The following MYO1E variants were observed in gnomAD, a reference collection of about 807,000 sequenced individuals.
The protein encoded by MYO1E is myosin IE.
Under a neutral mutation model 151.1 loss-of-function variants are expected in MYO1E, and 68 were observed. The ratio of observed to expected loss-of-function variants is 0.45; its 90% CI spans 0.37 to 0.55. The LOEUF is 0.55. MYO1E is among the 20% of genes least tolerant of loss of function. The pLI is 0.00. For synonymous variants in MYO1E, 601 were observed against 501.7 expected (o/e 1.20, Z -2.64); for missense variants, 1,363 against 1,389.3 (o/e 0.98, Z 0.30).
At chr15:59,244,175 T>C (rs183185661) in intron 4 of MYO1E, among the ~76,000 whole-genome samples, 2 of 152,220 alleles carry the variant, frequency 1.3e-5, no homozygotes. Flanking sequence ...CAGACAAATA[T>C]CTAGTTAATT....
intron 1 of MYO1E, among the ~76,000 whole-genome samples, chr15:59,326,786 T>C (rs1017241663): frequency 1.3e-5 from 2 of 152,216 alleles, no homozygotes; most frequent in Non-Finnish European, 2.9e-5. Context: ...TATTCCTACA[T>C]AAATTCTTCC....
At chr15:59,324,549 G>A (rs553182126) in intron 1 of MYO1E, among the ~76,000 whole-genome samples, 1 of 152,144 alleles carries the variant, frequency 6.6e-6, no homozygotes, top group African/African-American at 2.4e-5. Flanking sequence ...TAGAGAAGAA[G>A]CACACCTCAG....
At chr15:59,153,253 G>C (rs1346838654) in intron 26 of MYO1E, among the ~76,000 whole-genome samples, 1 of 152,200 alleles carries the variant, frequency 6.6e-6, no homozygotes, top group Non-Finnish European at 1.5e-5. Flanking sequence ...TGCAGGCACA[G>C]ACACAAATCA....
chr15:59,217,842 T>C, intron 10 of MYO1E, 49 bp downstream of exon 10: 1 of 1,601,730 alleles, frequency 6.2e-7, no homozygotes, highest in Non-Finnish European at 8.6e-7. Flanking sequence ...AGTTTTACTC[T>C]TTATAGCTAA....
Position 59,236,606 on chromosome 15 carries a change from A to G in MYO1E, c.399T>C (p.Ser133=). The G allele has an allele frequency of 6.2e-7, 1 of 1,613,852 alleles. No individual in the cohort carries two copies. The highest frequency in any genetic ancestry group is 8.5e-7 in the Non-Finnish European group (1 of 1,179,832). ...TCACCTGGACTTTGGTCCCTCCTCC[A>G]GACACTCTGGAGATGTAGCTCATGA... ...KYIMSYISRV[S]GGGTKVQHVK... The change falls in exon 5 of 28, where the codon TCT becomes TCC. Residue 133 remains serine, a synonymous_variant. Transcript: ENST00000288235.
At chr15:59,208,462 T>C (rs536539386) in intron 14 of MYO1E, 1 of 628,000 alleles carries the variant, frequency 1.6e-6, no homozygotes, top group East Asian at 2.8e-5. Flanking sequence ...TTATATGCTG[T>C]AAAAAAGTAG....
At chr15:59,140,049 C>T (rs548934754) in intron 26 of MYO1E, among the ~76,000 whole-genome samples, 224 of 149,288 alleles carry the variant, frequency 1.5e-3, no homozygotes, top group African/African-American at 5.1e-3. Context: ...CTGACATTTG[C>T]GGCTGGGAAT....
rs1385890524 is a variant in MYO1E, at chr15:59,136,011, T to A, written c.*1369A>T. The A allele has an allele frequency of 2.0e-5, 3 of 152,328 alleles. No individual in the cohort carries two copies. The highest frequency in any genetic ancestry group is 4.4e-5 in the Non-Finnish European group (3 of 68,132). The allele number at this position is 152,328 out of a possible 1,614,324, so 9.4% of individuals were successfully genotyped here. A position where few individuals can be genotyped will look rare whatever the true frequency, so the allele number is the denominator to read the frequency against. On this transcript the variant is annotated 3_prime_UTR_variant, in exon 28 of 28. Transcript: ENST00000288235. ...TGTATTGCCTCACAGTTCTGGAGGT[T>A]GGAAGTCCAAGACCAAGGTGGGCAG...
chr15:59,256,264 G>A lies in MYO1E; in HGVS notation c.332+20C>T. 1 of 1,552,526 alleles carries A rather than the reference G, an allele frequency of 6.4e-7. No homozygotes were observed. Among genetic ancestry groups the A allele is most frequent in the Non-Finnish European group, 8.9e-7 (1 of 1,124,572 alleles). ...TAGTCTCATATCTTCCACGCCCACTGATAAGGATCTTCTTCATACCTGATA... is the reference window on the plus strand; with the variant it reads ...TAGTCTCATATCTTCCACGCCCACTAATAAGGATCTTCTTCATACCTGATA... On this transcript the variant is annotated intron_variant, in intron 4 of 27. Transcript: ENST00000288235.
intron 1 of MYO1E, among the ~76,000 whole-genome samples, chr15:59,355,539 T>G (rs777776475): frequency 5.9e-5 from 9 of 152,174 alleles, no homozygotes; most frequent in Non-Finnish European, 1.3e-4. Context: ...TCACTTGAGT[T>G]CCAGAACAAA....
chr15:59,293,355 G>A (rs2080430741), intron 1 of MYO1E, among the ~76,000 whole-genome samples: 2 of 152,046 alleles, frequency 1.3e-5, no homozygotes, highest in Admixed American at 6.6e-5. Context: ...AGACCAGCCT[G>A]GCCAACATGG....
chr15:59,164,515 C>T (rs2079553929), intron 22 of MYO1E, among the ~76,000 whole-genome samples: 1 of 152,196 alleles, frequency 6.6e-6, no homozygotes, highest in Non-Finnish European at 1.5e-5. Flanking sequence ...TGTCACTGCA[C>T]CAGTGGGATT....
chr15:59,168,180 A>C (rs1486095518), intron 22 of MYO1E, among the ~76,000 whole-genome samples: 2 of 152,198 alleles, frequency 1.3e-5, no homozygotes, highest in Non-Finnish European at 2.9e-5. Context: ...AAAGATAAAG[A>C]CTTCTAAAAA....
chr15:59,278,119 T>G (rs1288101764), intron 1 of MYO1E, among the ~76,000 whole-genome samples: 1 of 152,210 alleles, frequency 6.6e-6, no homozygotes, highest in East Asian at 1.9e-4. Context: ...AAGACTGGAT[T>G]CTATGCTAAG....
intron 1 of MYO1E, among the ~76,000 whole-genome samples, chr15:59,320,715 C>G (rs926774175): frequency 6.6e-6 from 1 of 152,072 alleles, no homozygotes; most frequent in African/African-American, 2.4e-5. Flanking sequence ...AATGTAAGAC[C>G]TCAAACTATA....
At chr15:59,198,939 T>C (rs943363835) in intron 16 of MYO1E, among the ~76,000 whole-genome samples, 3 of 152,194 alleles carry the variant, frequency 2.0e-5, no homozygotes, top group Admixed American at 2.0e-4. Flanking sequence ...GATAAAGCTA[T>C]AGCCAGTCTG....
chr15:59,323,151 A>G (rs1279203047), intron 1 of MYO1E, among the ~76,000 whole-genome samples: 2 of 139,674 alleles, frequency 1.4e-5, no homozygotes, highest in Non-Finnish European at 3.0e-5. Context: ...CCTGGGCGAC[A>G]GAGCAAGACC....
intron 25 of MYO1E, among the ~76,000 whole-genome samples, chr15:59,154,486 T>G (rs941383838): frequency 3.3e-5 from 5 of 152,230 alleles, no homozygotes; most frequent in African/African-American, 1.2e-4. Flanking sequence ...GGCATTAGCA[T>G]TCCATGCTAC....
intron 8 of MYO1E, among the ~76,000 whole-genome samples, chr15:59,224,439 A>T (rs1462130819): frequency 1.3e-5 from 2 of 152,226 alleles, no homozygotes; most frequent in Non-Finnish European, 2.9e-5. Flanking sequence ...CCTATTTATC[A>T]GAGCTCCTGC....
Sources: allele counts gnomAD v4.1 joint callset (sites outside exome capture counted in the v4.1 genomes callset), GRCh38; gene constraint gnomAD v4.1.1; transcripts MANE v1.5; gene names NCBI Gene and HGNC (gene_info 2026-07-23, HGNC 2026-07-21).